Variants in RERE observed in about 807,000 individuals in gnomAD.
The protein encoded by RERE is arginine-glutamic acid dipeptide repeats protein.
RERE carries 40 observed loss-of-function variants against 146.1 expected under a neutral mutation model. The ratio of observed to expected loss-of-function variants is 0.27; its 90% CI spans 0.21 to 0.36. The LOEUF is 0.36. Among genes scored for constraint, RERE ranks in the 10% least tolerant of loss-of-function variants. The probability of loss-of-function intolerance (pLI) is 1.00; values close to 1 mark genes in which losing one functional copy is unlikely to be tolerated. For synonymous variants in RERE, 1,003 were observed against 866.0 expected (o/e 1.16, Z -2.78); for missense variants, 1,933 against 2,138.7 (o/e 0.90, Z 1.90).
At chr1:8,565,916 C>G (rs1203348188) in intron 4 of RERE, among the ~76,000 whole-genome samples, 1 of 152,124 alleles carries the variant, frequency 6.6e-6, no homozygotes, top group African/African-American at 2.4e-5. Context: ...AGGGGAAAAA[C>G]TGAAATACTG....
At chr1:8,779,331 G>C (rs189724418) in intron 1 of RERE, among the ~76,000 whole-genome samples, 1 of 150,794 alleles carries the variant, frequency 6.6e-6, no homozygotes, top group African/African-American at 2.4e-5. Flanking sequence ...TTCGAGACCA[G>C]CCTGGCCAAC....
At chr1:8,740,931 A>G (rs1267847479) in intron 1 of RERE, among the ~76,000 whole-genome samples, 1 of 152,248 alleles carries the variant, frequency 6.6e-6, no homozygotes, top group Non-Finnish European at 1.5e-5. Context: ...ATAATGATAA[A>G]AAGTACACTA....
Position 8,654,028 on chromosome 1 carries a change from C to CT in RERE, c.325+1944dup, listed in dbSNP as rs879596794. On this transcript the variant is annotated intron_variant, in intron 2 of 22. Transcript: ENST00000400908. ...TGTCTGTATTAAGTTCTAGCACTGA[C>CT]TTTTTTTTTTTTTGCGGGGGGGAGG... Among the ~76,000 whole-genome samples the CT allele has an allele frequency of 5.9e-3, 836 of 140,802 alleles. 8 individuals are homozygous for CT. The highest frequency in any genetic ancestry group is 0.011 in the Middle Eastern group (3 of 276). The allele number at this position is 140,802 out of a possible 152,430, so 92.4% of individuals were successfully genotyped here. A position where few individuals can be genotyped will look rare whatever the true frequency, so the allele number is the denominator to read the frequency against.
intron 10 of RERE, among the ~76,000 whole-genome samples, chr1:8,469,159 A>T (rs1389883475): frequency 6.6e-6 from 1 of 152,188 alleles, no homozygotes; most frequent in Non-Finnish European, 1.5e-5. Context: ...AGAAAAAAAA[A>T]ATCGGCCTCA....
intron 1 of RERE, among the ~76,000 whole-genome samples, chr1:8,691,734 G>A (rs981536909): frequency 6.6e-6 from 1 of 152,206 alleles, no homozygotes; most frequent in Non-Finnish European, 1.5e-5. Flanking sequence ...ACCATCAGGA[G>A]AGCCTATCCA....
chr1:8,733,196 T>C (rs1640128212), intron 1 of RERE, among the ~76,000 whole-genome samples: 3 of 151,474 alleles, frequency 2.0e-5, no homozygotes, highest in Admixed American at 2.0e-4. Context: ...AGAGAGTGAG[T>C]GTTGGGAGTC....
intron 12 of RERE, among the ~76,000 whole-genome samples, chr1:8,389,707 C>T (rs992339353): frequency 1.3e-5 from 2 of 152,206 alleles, no homozygotes; most frequent in Non-Finnish European, 2.9e-5. Context: ...CGGAAGGTCG[C>T]ATGGAGGGAA....
intron 7 of RERE, among the ~76,000 whole-genome samples, chr1:8,509,079 T>C (rs1348813327): frequency 6.6e-6 from 1 of 152,204 alleles, no homozygotes; most frequent in East Asian, 1.9e-4. Flanking sequence ...CACGCCCGGC[T>C]AATTTTTGTA....
At chr1:8,751,406 A>G (rs982152196) in intron 1 of RERE, among the ~76,000 whole-genome samples, 1 of 152,220 alleles carries the variant, frequency 6.6e-6, no homozygotes, top group Admixed American at 6.5e-5. Flanking sequence ...CAATATTCTT[A>G]TAAGAATCAT....
intron 1 of RERE, among the ~76,000 whole-genome samples, chr1:8,660,985 G>A (rs1011498893): frequency 6.6e-6 from 1 of 152,152 alleles, no homozygotes; most frequent in Non-Finnish European, 1.5e-5. Flanking sequence ...TAAAACCCCT[G>A]CCCTTATCTT....
At chr1:8,778,629 G>A (rs1170284447) in intron 1 of RERE, among the ~76,000 whole-genome samples, 1 of 152,104 alleles carries the variant, frequency 6.6e-6, no homozygotes, top group Non-Finnish European at 1.5e-5. Flanking sequence ...TTGAGCCCAG[G>A]AGTTCAAGAC....
intron 12 of RERE, among the ~76,000 whole-genome samples, chr1:8,422,135 C>T (rs1416938973): frequency 6.6e-6 from 1 of 152,228 alleles, no homozygotes; most frequent in Non-Finnish European, 1.5e-5. Flanking sequence ...CTCTGACCCC[C>T]AGCTTTGTGA....
chr1:8,544,120 G>T (rs1241445188), intron 6 of RERE, among the ~76,000 whole-genome samples: 1 of 152,056 alleles, frequency 6.6e-6, no homozygotes, highest in Non-Finnish European at 1.5e-5. Context: ...ATAATTGACT[G>T]GTTTCCTCCT....
intron 11 of RERE, among the ~76,000 whole-genome samples, chr1:8,428,329 T>C (rs921436912): frequency 1.3e-5 from 2 of 152,172 alleles, no homozygotes; most frequent in African/African-American, 2.4e-5. Flanking sequence ...CCAACCCAAC[T>C]AGGTGCTGCT....
At chr1:8,726,636 T>G (rs1034818095) in intron 1 of RERE, among the ~76,000 whole-genome samples, 1 of 151,942 alleles carries the variant, frequency 6.6e-6, no homozygotes, top group Non-Finnish European at 1.5e-5. Flanking sequence ...CCTGGTATAT[T>G]TTTCCAAAGC....
At chr1:8,452,646 T>A (rs1273816499) in intron 11 of RERE, among the ~76,000 whole-genome samples, 1 of 152,204 alleles carries the variant, frequency 6.6e-6, no homozygotes, top group South Asian at 2.1e-4. Flanking sequence ...GGAAGAATTA[T>A]GAGAGCAAAC....
At chr1:8,363,894 C>A (rs1389734534) in intron 15 of RERE, 162 bp downstream of exon 15, 2 of 662,708 alleles carry the variant, frequency 3.0e-6, no homozygotes, top group Middle Eastern at 4.2e-4. Flanking sequence ...GAGAACTCTT[C>A]CCAGCCCACA....
Position 8,361,364 on chromosome 1 carries a change from T to A in RERE, c.2143A>T (p.Ile715Phe). ...CTCTCATTGTCCTGGGGGCTGGGGA[T>A]GCTCGGGGACGTGCTGCGATTGTCC... ...DQDNRSTSPSIPSPQDNESDS... is the reference protein window; with the variant it reads ...DQDNRSTSPSFPSPQDNESDS... The change falls in exon 18 of 23, where the codon ATC (isoleucine) becomes TTC (phenylalanine). Residue 715 changes from isoleucine to phenylalanine, a missense_variant. Around this residue, in one of 11 missense-constraint regions of RERE, gnomAD observed 1,255 missense variants for 1,153.8 expected, o/e 1.09. Coordinates refer to ENST00000400908, the MANE Select transcript of RERE (RefSeq NM_001042681.2). 3.1e-6 allele frequency: 5 copies of A among 1,613,712 alleles called. No homozygotes were observed. Among genetic ancestry groups the A allele is most frequent in the Non-Finnish European group, 4.2e-6 (5 of 1,179,800 alleles).
rs369435562 is a variant in RERE, at chr1:8,744,668, T to C, written c.-145+72492A>G. ...TGACCTTCAAACTTTAGCGATAAAA[T>C]AAGAAAACACAGAAATAGAGGTGTT... On this transcript the variant is annotated intron_variant, in intron 1 of 22. Transcript: ENST00000400908. Among the ~76,000 whole-genome samples the C allele has an allele frequency of 1.2e-3, 182 of 152,178 alleles. 10 individuals carry two copies. The South Asian group carries it at 0.037, about 31-fold the overall frequency.
Sources: allele counts gnomAD v4.1 joint callset (sites outside exome capture counted in the v4.1 genomes callset), GRCh38; gene constraint gnomAD v4.1.1; regional missense constraint gnomAD v4.1.1; transcripts MANE v1.5; gene names NCBI Gene and HGNC (gene_info 2026-07-23, HGNC 2026-07-21).